AGBL4: variants seen among roughly 807,000 people sequenced by gnomAD.
AGBL4 encodes the protein AGBL carboxypeptidase 4.
In AGBL4, 58 loss-of-function variants were observed where a neutral mutation model predicts 66.4. That is an observed-to-expected ratio of 0.87 (90% confidence interval 0.71 to 1.09). The LOEUF (loss-of-function observed/expected upper bound fraction) is 1.09. Among genes scored for constraint, AGBL4 ranks in the 50% least tolerant of loss-of-function variants. AGBL4 has a pLI of 0.00. For synonymous variants in AGBL4, 234 were observed against 222.9 expected, an observed-to-expected ratio of 1.05 and a Z score of -0.44; for missense variants, 579 against 631.0, an observed-to-expected ratio of 0.92 and a Z score of 0.88.
intron 11 of AGBL4, among the ~76,000 whole-genome samples, chr1:48,548,155 C>T (rs578126084): frequency 6.6e-6 from 1 of 152,072 alleles, no homozygotes; most frequent in Non-Finnish European, 1.5e-5. Context: ...CCTAATAATA[C>T]ATGTGTAAAT....
chr1:49,576,442 G>A (rs907695789), intron 3 of AGBL4, among the ~76,000 whole-genome samples: 1 of 152,172 alleles, frequency 6.6e-6, no homozygotes, highest in African/African-American at 2.4e-5. Context: ...GGAGGGCTCT[G>A]GGATTTTGGA....
intron 1 of AGBL4, among the ~76,000 whole-genome samples, chr1:49,904,523 A>G (rs1342481282): frequency 6.6e-6 from 1 of 152,194 alleles, no homozygotes; most frequent in Non-Finnish European, 1.5e-5. Flanking sequence ...GGAGATCCTC[A>G]TATAAGAAAT....
intron 1 of AGBL4, among the ~76,000 whole-genome samples, chr1:49,988,361 GA>G (rs1224789812): frequency 6.6e-6 from 1 of 152,048 alleles, no homozygotes; most frequent in Non-Finnish European, 1.5e-5. Flanking sequence ...GAAGAAAAAG[GA>G]TATAAGAGAA....
chr1:49,866,478 T>C (rs1646703361), intron 1 of AGBL4, among the ~76,000 whole-genome samples: 1 of 152,126 alleles, frequency 6.6e-6, no homozygotes, highest in African/African-American at 2.4e-5. Context: ...AAAAAAGACT[T>C]TCTGGCTGGG....
At chr1:48,883,053 T>G (rs1040791420) in intron 5 of AGBL4, among the ~76,000 whole-genome samples, 2 of 152,244 alleles carry the variant, frequency 1.3e-5, no homozygotes, top group African/African-American at 4.8e-5. Flanking sequence ...TCTCAGCTAT[T>G]GTGAATAATG....
intron 10 of AGBL4, among the ~76,000 whole-genome samples, chr1:48,587,921 A>G (rs1210738732): frequency 2.6e-5 from 4 of 152,090 alleles, no homozygotes; most frequent in Non-Finnish European, 5.9e-5. Context: ...GGATGTCTCT[A>G]TTCTTTAAAA....
At chr1:49,415,405 T>C (rs767429387) in intron 3 of AGBL4, among the ~76,000 whole-genome samples, 1 of 152,144 alleles carries the variant, frequency 6.6e-6, no homozygotes, top group Non-Finnish European at 1.5e-5. Flanking sequence ...TAAGTTTCCA[T>C]AAGAAGTTAC....
chr1:49,931,895 T>A (rs564597550), intron 1 of AGBL4, among the ~76,000 whole-genome samples: 4 of 152,262 alleles, frequency 2.6e-5, no homozygotes, highest in Admixed American at 2.6e-4. Flanking sequence ...ATTAAGGCAA[T>A]GTGGCCCCAG....
In AGBL4 at chr1:49,530,259, T is replaced by TAAAAAAAAAAAA. The variant is rs543885264; in HGVS notation, c.282+167042_282+167053dup. ...CAGCTATGTTTTCAAGTAGAATTTG[T>TAAAAAAAAAAAA]AAAAAAAAAAAAACAAAAAAAAACT... On this transcript the variant is annotated intron_variant, in intron 3 of 13. Coordinates refer to ENST00000371839, the MANE Select transcript of AGBL4 (RefSeq NM_032785.4). Among the ~76,000 whole-genome samples, 87 of 75,918 alleles carry TAAAAAAAAAAAA rather than the reference T, an allele frequency of 1.1e-3. 16 individuals carry two copies. Among genetic ancestry groups the TAAAAAAAAAAAA allele is most frequent in the African/African-American group, 3.0e-3 (49 of 16,308 alleles). 49.8% of individuals were successfully genotyped at this position (75,918 alleles called of 152,430 possible).
chr1:49,019,543 G>A (rs1663080128), intron 5 of AGBL4, among the ~76,000 whole-genome samples: 1 of 152,142 alleles, frequency 6.6e-6, no homozygotes, highest in Admixed American at 6.5e-5. Context: ...CCCTGATCAA[G>A]GTAACCAGGT....
At chr1:49,679,250 C>G (rs909238073) in intron 3 of AGBL4, among the ~76,000 whole-genome samples, 1 of 152,052 alleles carries the variant, frequency 6.6e-6, no homozygotes. Context: ...GAAGAAGATG[C>G]CTTCTTGGTG....
rs572631442 is a variant in AGBL4 at position 48,713,325 on chromosome 1, G to A, written c.635-50084C>T. ...CCTAGAATAGAGAGAGATGGGGAGG[G>A]TGGGAGAAGGGAGAGCCATTCTTAG... On this transcript the variant is annotated intron_variant, in intron 6 of 13. Coordinates refer to ENST00000371839, the MANE Select transcript of AGBL4 (RefSeq NM_032785.4). Among the ~76,000 whole-genome samples, 5 of 152,292 alleles carry A rather than the reference G, an allele frequency of 3.3e-5. No homozygotes were observed. In the South Asian group the frequency reaches 1.0e-3, roughly 32 times the overall value.
intron 3 of AGBL4, among the ~76,000 whole-genome samples, chr1:49,277,737 G>GAAAAAAAAA (rs67290360): frequency 7.1e-6 from 1 of 141,316 alleles, no homozygotes; most frequent in Non-Finnish European, 1.5e-5. Context: ...TGGCATAGCT[G>GAAAAAAAAA]AAAAAAAAAA....
intron 9 of AGBL4, among the ~76,000 whole-genome samples, chr1:48,628,651 C>G (rs1645543439): frequency 6.6e-6 from 1 of 152,086 alleles, no homozygotes; most frequent in African/African-American, 2.4e-5. Flanking sequence ...ACACCAAGCC[C>G]AGAAGCTGAG....
chr1:49,190,615 TAATAA>T (rs746622380), intron 4 of AGBL4, among the ~76,000 whole-genome samples: 30 of 152,270 alleles, frequency 2.0e-4, no homozygotes, highest in Non-Finnish European at 3.8e-4. Context: ...AAAGTCCCAT[TAATAA>T]AATAGTTGCA....
At chr1:49,347,484 C>T (rs1384387931) in intron 3 of AGBL4, among the ~76,000 whole-genome samples, 1 of 151,910 alleles carries the variant, frequency 6.6e-6, no homozygotes, top group Non-Finnish European at 1.5e-5. Flanking sequence ...ATCTCCTGAC[C>T]TCATGATCCG....
At chr1:49,767,830 C>T (rs1207057162) in intron 2 of AGBL4, among the ~76,000 whole-genome samples, 1 of 151,872 alleles carries the variant, frequency 6.6e-6, no homozygotes, top group Non-Finnish European at 1.5e-5. Context: ...TCTATGCAAA[C>T]AAACAAGACA....
At chr1:49,644,511 T>C (rs1645846783) in intron 3 of AGBL4, among the ~76,000 whole-genome samples, 1 of 151,546 alleles carries the variant, frequency 6.6e-6, no homozygotes, top group South Asian at 2.1e-4. Context: ...TCTATATTAA[T>C]ATCAAAGTCA....
intron 8 of AGBL4, 35 bp downstream of exon 8, chr1:48,653,302 G>A: frequency 6.7e-7 from 1 of 1,482,828 alleles, no homozygotes; most frequent in Non-Finnish European, 9.2e-7. Context: ...CATCCTATAA[G>A]TACTTGCTTC....
Sources: gnomAD v4.1 joint callset for allele counts (sites outside exome capture counted in the v4.1 genomes callset) on GRCh38, gnomAD v4.1.1 for gene constraint, MANE v1.5 for transcripts, NCBI Gene and HGNC (gene_info 2026-07-23, HGNC 2026-07-21) for gene names.